Variants in TENM3 observed in about 807,000 individuals in gnomAD.
TENM3 encodes teneurin-3.
A neutral mutation model predicts 255.1 loss-of-function variants in TENM3; 63 were observed. The observed-to-expected ratio is 0.25, with a 90% CI of 0.20 to 0.30. The LOEUF is 0.30. Ranked by LOEUF, TENM3 falls within the 10% of genes least tolerant of loss-of-function variation. The pLI, the probability that TENM3 is intolerant of heterozygous loss-of-function variation, is 1.00. For missense variants in TENM3, 2,929 were observed against 3,461.1 expected (o/e 0.85, Z 3.86); for synonymous variants, 1,306 against 1,322.3 (o/e 0.99, Z 0.27).
the TENM3 span, among the ~76,000 whole-genome samples, chr4:181,576,104 CCTA>C: frequency 2.0e-5 from 3 of 152,188 alleles, no homozygotes; most frequent in African/African-American, 7.2e-5. Context: ...ATCCGCCCCT[CCTA>C]CCCCTACCCT....
intron 1 of TENM3, among the ~76,000 whole-genome samples, chr4:182,211,249 A>G (rs1755020534): frequency 6.6e-6 from 1 of 152,222 alleles, no homozygotes; most frequent in African/African-American, 2.4e-5. Context: ...CTTGTTCACG[A>G]GAAGGATAAA....
chr4:181,572,653 G>A, the TENM3 span, among the ~76,000 whole-genome samples: 12 of 151,996 alleles, frequency 7.9e-5, no homozygotes, highest in African/African-American at 1.2e-4. Context: ...TGAAATACTC[G>A]CTACAGGCAT....
At chr4:181,766,523 C>CT in the TENM3 span, among the ~76,000 whole-genome samples, 1 of 152,016 alleles carries the variant, frequency 6.6e-6, no homozygotes, top group South Asian at 2.1e-4. Flanking sequence ...AGAAAAGCAG[C>CT]TTGGGGTGAG....
chr4:182,697,258 A>C (rs959837782), intron 12 of TENM3, among the ~76,000 whole-genome samples: 9 of 152,192 alleles, frequency 5.9e-5, no homozygotes, highest in Non-Finnish European at 1.3e-4. Context: ...TGCATGCTGG[A>C]TACAAGGAGA....
the TENM3 span, among the ~76,000 whole-genome samples, chr4:181,708,693 A>G: frequency 4.6e-5 from 7 of 152,176 alleles, no homozygotes; most frequent in Non-Finnish European, 1.0e-4. Context: ...CTTTAAAAAA[A>G]AAGTACTGAT....
At chr4:181,932,171 A>T in the TENM3 span, among the ~76,000 whole-genome samples, 6 of 152,228 alleles carry the variant, frequency 3.9e-5, no homozygotes, top group African/African-American at 4.8e-5. Flanking sequence ...GACAAATGGG[A>T]TCTAATTAAA....
the TENM3 span, among the ~76,000 whole-genome samples, chr4:181,761,796 T>C: frequency 6.6e-6 from 1 of 152,316 alleles, no homozygotes; most frequent in East Asian, 1.9e-4. Flanking sequence ...AGAGAATCTA[T>C]TTTAAAATGT....
Position 182,419,512 on chromosome 4 carries a change from A to T in TENM3, c.511+72583A>T, listed in dbSNP as rs1418592284. Among the ~76,000 whole-genome samples the T allele has an allele frequency of 4.6e-5, 7 of 152,216 alleles. No individual in the cohort carries two copies. In the East Asian group the frequency reaches 1.3e-3, roughly 29 times the overall value. Reference sequence around the variant, plus strand: ...AAATGCCATTTGACCCAGCCATCCCATTACTGGGCATATACCCAAAGGACT... The same window carrying T: ...AAATGCCATTTGACCCAGCCATCCCTTTACTGGGCATATACCCAAAGGACT... On this transcript the variant is annotated intron_variant, in intron 3 of 27. Coordinates refer to ENST00000511685, the MANE Select transcript of TENM3 (RefSeq NM_001080477.4).
intron 3 of TENM3, among the ~76,000 whole-genome samples, chr4:182,386,943 G>T (rs1480432891): frequency 6.6e-6 from 1 of 152,250 alleles, no homozygotes; most frequent in Non-Finnish European, 1.5e-5. Context: ...CGAGCACATG[G>T]CGCGGGGCTG....
the TENM3 span, among the ~76,000 whole-genome samples, chr4:182,043,889 A>T: frequency 2.6e-5 from 4 of 152,306 alleles, no homozygotes; most frequent in Non-Finnish European, 5.9e-5. Flanking sequence ...CCACTATAAT[A>T]AAAACACGCC....
the TENM3 span, among the ~76,000 whole-genome samples, chr4:182,099,717 C>T: frequency 2.0e-5 from 3 of 152,102 alleles, no homozygotes; most frequent in Non-Finnish European, 4.4e-5. Context: ...CGAATATTTA[C>T]TATTAATATC....
chr4:181,594,117 T>G, the TENM3 span, among the ~76,000 whole-genome samples: 1 of 152,112 alleles, frequency 6.6e-6, no homozygotes, highest in African/African-American at 2.4e-5. Flanking sequence ...AACCATTTGA[T>G]TAATTGCTTC....
the TENM3 span, among the ~76,000 whole-genome samples, chr4:182,035,987 G>A: frequency 6.6e-6 from 1 of 152,026 alleles, no homozygotes; most frequent in African/African-American, 2.4e-5. Flanking sequence ...CTATCACGGG[G>A]TCTTGTGCAG....
At chr4:181,585,636 G>GA in the TENM3 span, among the ~76,000 whole-genome samples, 1 of 151,920 alleles carries the variant, frequency 6.6e-6, no homozygotes, top group Admixed American at 6.6e-5. Flanking sequence ...ATGTAATGCA[G>GA]AAAAAATGTC....
At chr4:182,400,263 G>A (rs1428002176) in intron 3 of TENM3, among the ~76,000 whole-genome samples, 1 of 152,148 alleles carries the variant, frequency 6.6e-6, no homozygotes, top group Non-Finnish European at 1.5e-5. Context: ...GATTTGAACA[G>A]CCTTCTAAAA....
chr4:181,815,678 A>G, the TENM3 span, among the ~76,000 whole-genome samples: 2 of 152,104 alleles, frequency 1.3e-5, no homozygotes, highest in African/African-American at 4.8e-5. Context: ...CAGCTGGGAG[A>G]CCGAAGGCTG....
At chr4:182,659,114 C>T (rs1159448130) in intron 6 of TENM3, among the ~76,000 whole-genome samples, 2 of 152,178 alleles carry the variant, frequency 1.3e-5, no homozygotes, top group African/African-American at 4.8e-5. Flanking sequence ...CCTGTTATGC[C>T]ATTGCACAAG....
At chr4:182,667,144 C>T (rs1244650160) in intron 6 of TENM3, among the ~76,000 whole-genome samples, 1 of 151,778 alleles carries the variant, frequency 6.6e-6, no homozygotes, top group African/African-American at 2.4e-5. Flanking sequence ...ACTGTCAGAG[C>T]CAGTACTCAT....
the TENM3 span, among the ~76,000 whole-genome samples, chr4:182,079,403 C>G: frequency 6.6e-6 from 1 of 152,018 alleles, no homozygotes; most frequent in Non-Finnish European, 1.5e-5. Flanking sequence ...GTAGTCCCAG[C>G]TACTCAGGAG....
Sources: gnomAD v4.1 joint callset for allele counts (sites outside exome capture counted in the v4.1 genomes callset) on GRCh38, gnomAD v4.1.1 for gene constraint, MANE v1.5 for transcripts, NCBI Gene and HGNC (gene_info 2026-07-23, HGNC 2026-07-21) for gene names.